The following GRIK2 variants were observed in gnomAD, a reference collection of about 807,000 sequenced individuals.
GRIK2 encodes glutamate ionotropic receptor kainate type subunit 2, also known as glutamate receptor ionotropic, kainate 2.
A neutral mutation model predicts 100.3 loss-of-function variants in GRIK2; 32 were observed. That is an observed-to-expected ratio of 0.32 (90% confidence interval 0.24 to 0.43). The LOEUF (loss-of-function observed/expected upper bound fraction) is 0.43, where lower values mean the gene tolerates loss of function less well. Among genes scored for constraint, GRIK2 ranks in the 20% least tolerant of loss-of-function variants. The pLI is 1.00. For synonymous variants in GRIK2, 417 were observed against 389.4 expected, an observed-to-expected ratio of 1.07 and a Z score of -0.83; for missense variants, 843 against 1,114.9, an observed-to-expected ratio of 0.76 and a Z score of 3.47.
In GRIK2 at chr6:101,556,169, C is replaced by T. The variant is rs536064950; in HGVS notation, c.116-65780C>T. Reference sequence around the variant, plus strand: ...AAGACATGACATTTTGAAAATTATCCGAAGGTATCTTTTTCTATAAAATTT... The same window carrying T: ...AAGACATGACATTTTGAAAATTATCTGAAGGTATCTTTTTCTATAAAATTT... On this transcript the variant is annotated intron_variant, in intron 2 of 16. Coordinates refer to ENST00000369134, the MANE Select transcript of GRIK2 (RefSeq NM_021956.5). Among the ~76,000 whole-genome samples the T allele has an allele frequency of 1.7e-4, 26 of 151,302 alleles. No homozygotes were observed. The East Asian group carries it at 2.9e-3, about 17-fold the overall frequency.
intron 2 of GRIK2, among the ~76,000 whole-genome samples, chr6:101,560,483 A>G (rs1353493745): frequency 2.0e-5 from 3 of 152,068 alleles, no homozygotes; most frequent in Non-Finnish European, 4.4e-5. Context: ...CATTTTCACC[A>G]TCTTGACAAT....
At position 101,444,428 on chromosome 6, in the gene GRIK2, AAT is replaced by A. The variant is rs1178709386; in HGVS notation, c.115+45039_115+45040del. ...TATCTCTAAGCCTTGGCAATGTAGC[AAT>A]ATGTTTTTAAAAATACTATTTGTAA... On this transcript the variant is annotated intron_variant, in intron 2 of 16. Coordinates refer to ENST00000369134, the MANE Select transcript of GRIK2 (RefSeq NM_021956.5). Among the ~76,000 whole-genome samples, 8 of 152,178 alleles carry A rather than the reference AAT, an allele frequency of 5.3e-5. No individual in the cohort carries two copies. The East Asian group carries it at 1.5e-3, about 29-fold the overall frequency.
chr6:101,527,113 G>C (rs1334920366), intron 2 of GRIK2, among the ~76,000 whole-genome samples: 1 of 152,152 alleles, frequency 6.6e-6, no homozygotes, highest in Non-Finnish European at 1.5e-5. Context: ...TCATATTAAA[G>C]GTTGCAGGGA....
intron 7 of GRIK2, among the ~76,000 whole-genome samples, chr6:101,794,037 G>T (rs151009893): frequency 6.6e-6 from 1 of 152,174 alleles, no homozygotes; most frequent in Admixed American, 6.5e-5. Flanking sequence ...TAATCTCCTG[G>T]TGCGCCATTT....
At chr6:101,603,901 AT>A (rs1393099685) in intron 2 of GRIK2, among the ~76,000 whole-genome samples, 1 of 151,740 alleles carries the variant, frequency 6.6e-6, no homozygotes, top group Non-Finnish European at 1.5e-5. Flanking sequence ...AGAAAAAAGA[AT>A]TATGTGCATG....
At chr6:101,899,920 T>G (rs1436184150) in intron 12 of GRIK2, among the ~76,000 whole-genome samples, 1 of 152,086 alleles carries the variant, frequency 6.6e-6, no homozygotes, top group East Asian at 1.9e-4. Context: ...TCAGTATAAG[T>G]TCAGCAATTC....
chr6:101,813,636 TAAAG>T (rs1299505924), intron 9 of GRIK2, among the ~76,000 whole-genome samples: 7 of 152,010 alleles, frequency 4.6e-5, no homozygotes, highest in Admixed American at 2.0e-4. Context: ...CAAAGCAAAA[TAAAG>T]AGAGGCAGTG....
chr6:101,668,798 G>A (rs1195989129), intron 4 of GRIK2, among the ~76,000 whole-genome samples: 2 of 152,118 alleles, frequency 1.3e-5, no homozygotes, highest in Non-Finnish European at 2.9e-5. Context: ...TAGGGTAGTC[G>A]AGGCCTGCCG....
intron 7 of GRIK2, among the ~76,000 whole-genome samples, chr6:101,757,695 C>G (rs1265396792): frequency 6.6e-6 from 1 of 152,178 alleles, no homozygotes; most frequent in Non-Finnish European, 1.5e-5. Context: ...TAAGGCCTCT[C>G]TTTCATAAAT....
chr6:101,609,084 G>A (rs576537599), intron 2 of GRIK2, among the ~76,000 whole-genome samples: 1 of 151,682 alleles, frequency 6.6e-6, no homozygotes, highest in South Asian at 2.1e-4. Context: ...GTATGCATTA[G>A]TTTGCATGCA....
intron 14 of GRIK2, among the ~76,000 whole-genome samples, chr6:102,005,145 A>G (rs1795144407): frequency 6.6e-6 from 1 of 151,194 alleles, no homozygotes; most frequent in African/African-American, 2.4e-5. Context: ...TGCAGTATAT[A>G]TATTATGTAT....
chr6:101,736,882 C>T (rs1775673464), intron 7 of GRIK2, among the ~76,000 whole-genome samples: 2 of 152,112 alleles, frequency 1.3e-5, no homozygotes, highest in African/African-American at 4.8e-5. Flanking sequence ...GACTTTTATG[C>T]TCTGCTTCCC....
intron 14 of GRIK2, among the ~76,000 whole-genome samples, chr6:102,012,394 G>C (rs1408277345): frequency 6.6e-6 from 1 of 151,902 alleles, no homozygotes; most frequent in Non-Finnish European, 1.5e-5. Context: ...AATTTGCTAA[G>C]ATTTTGGTTA....
chr6:101,459,722 C>T (rs111665772), intron 2 of GRIK2, among the ~76,000 whole-genome samples: 39 of 151,930 alleles, frequency 2.6e-4, no homozygotes, highest in Middle Eastern at 3.4e-3. Context: ...AGAGTGTCCT[C>T]ATGCATACCT....
At chr6:101,622,504 CAATT>C (rs1422038232) in intron 3 of GRIK2, among the ~76,000 whole-genome samples, 2 of 151,986 alleles carry the variant, frequency 1.3e-5, no homozygotes, top group Admixed American at 6.6e-5. Flanking sequence ...ACTGTGGTCT[CAATT>C]GATTGGCTAC....
intron 7 of GRIK2, among the ~76,000 whole-genome samples, chr6:101,700,168 CAAAA>C (rs924904199): frequency 6.7e-6 from 1 of 148,342 alleles, no homozygotes; most frequent in African/African-American, 2.6e-5. Context: ...AACAAACAAA[CAAAA>C]ATCCCTATAC....
intron 14 of GRIK2, among the ~76,000 whole-genome samples, chr6:102,026,071 A>G (rs1016550350): frequency 1.4e-5 from 2 of 146,276 alleles, no homozygotes; most frequent in African/African-American, 5.0e-5. Context: ...TAAAAAATTA[A>G]GAATTATTTT....
At chr6:101,417,173 A>G (rs776665207) in intron 2 of GRIK2, among the ~76,000 whole-genome samples, 1 of 152,168 alleles carries the variant, frequency 6.6e-6, no homozygotes, top group East Asian at 1.9e-4. Flanking sequence ...AAATCATCAG[A>G]TCTCATGAGA....
chr6:101,753,161 A>T (rs1222663219), intron 7 of GRIK2, among the ~76,000 whole-genome samples: 1 of 151,842 alleles, frequency 6.6e-6, no homozygotes, highest in Non-Finnish European at 1.5e-5. Context: ...GGGCGCCTGT[A>T]GTCCCAGCTA....
Sources: allele counts gnomAD v4.1 joint callset (sites outside exome capture counted in the v4.1 genomes callset), GRCh38; gene constraint gnomAD v4.1.1; transcripts MANE v1.5; gene names NCBI Gene and HGNC (gene_info 2026-07-23, HGNC 2026-07-21).